Variants in ZMYM2 observed in about 807,000 individuals in gnomAD.
ZMYM2 encodes the protein zinc finger MYM-type protein 2.
ZMYM2 carries 56 observed loss-of-function variants against 162.8 expected under a neutral mutation model. The observed-to-expected ratio is 0.34, with a 90% CI of 0.28 to 0.43. The LOEUF is 0.43. Ranked by LOEUF, ZMYM2 falls within the 20% of genes least tolerant of loss-of-function variation. ZMYM2 has a pLI of 1.00. For synonymous variants in ZMYM2, 510 were observed against 541.6 expected (o/e 0.94, Z 0.81); for missense variants, 1,275 against 1,621.8 (o/e 0.79, Z 3.67).
chr13:19,971,401 G>T lies in ZMYM2; in HGVS notation c.-11+11375G>T, dbSNP rs1956326690. ...ATCTCCTATCTCAGCCTCCCAAGTAGCTGGGATTACAGACATGTGCCACCA... is the reference window on the plus strand; with the variant it reads ...ATCTCCTATCTCAGCCTCCCAAGTATCTGGGATTACAGACATGTGCCACCA... On this transcript the variant is annotated intron_variant, in intron 2 of 24. Coordinates refer to ENST00000610343, the MANE Select transcript of ZMYM2 (RefSeq NM_197968.4). Among the ~76,000 whole-genome samples, 5 of 150,236 alleles carry T rather than the reference G, an allele frequency of 3.3e-5. No homozygotes were observed. In the South Asian group the frequency reaches 1.1e-3, roughly 32 times the overall value.
chr13:19,987,904 C>A (rs1347864144), intron 2 of ZMYM2, among the ~76,000 whole-genome samples: 6 of 152,136 alleles, frequency 3.9e-5, no homozygotes, highest in Non-Finnish European at 7.3e-5. Flanking sequence ...GAGCCACTGC[C>A]CTCAGCCCAT....
chr13:20,054,432 C>T (rs1955624134), intron 14 of ZMYM2, among the ~76,000 whole-genome samples: 1 of 152,282 alleles, frequency 6.6e-6, no homozygotes, highest in Middle Eastern at 3.4e-3. Context: ...ACTTCTGAGC[C>T]TCAGTTTCCT....
the ZMYM2 span, among the ~76,000 whole-genome samples, chr13:19,875,913 T>C: frequency 6.6e-6 from 1 of 152,086 alleles, no homozygotes; most frequent in Non-Finnish European, 1.5e-5. Flanking sequence ...CAATAGAAGC[T>C]CAAAACTTCA....
At chr13:19,871,821 T>TA in the ZMYM2 span, among the ~76,000 whole-genome samples, 1 of 152,064 alleles carries the variant, frequency 6.6e-6, no homozygotes, top group African/African-American at 2.4e-5. Flanking sequence ...CAACAAATAT[T>TA]AAAGAATGGA....
At chr13:19,964,512 A>G (rs1322082409) in intron 2 of ZMYM2, among the ~76,000 whole-genome samples, 1 of 152,152 alleles carries the variant, frequency 6.6e-6, no homozygotes, top group East Asian at 1.9e-4. Flanking sequence ...CGATCTTCCC[A>G]CCTTGGCCTC....
intron 21 of ZMYM2, among the ~76,000 whole-genome samples, chr13:20,074,229 T>TGC: frequency 7.0e-6 from 1 of 143,020 alleles, no homozygotes; most frequent in African/African-American, 2.7e-5. Flanking sequence ...TGTGTGTGTG[T>TGC]GTGTGTGTGA....
the ZMYM2 span, among the ~76,000 whole-genome samples, chr13:19,887,466 T>C: frequency 6.6e-6 from 1 of 151,370 alleles, no homozygotes; most frequent in African/African-American, 2.4e-5. Flanking sequence ...GAGGCGGAGG[T>C]TGCAGTGAGC....
chr13:20,041,148 TTGA>T (rs964308664), intron 12 of ZMYM2, among the ~76,000 whole-genome samples: 2 of 152,184 alleles, frequency 1.3e-5, no homozygotes, highest in African/African-American at 4.8e-5. Context: ...ATTATCTGCT[TTGA>T]TGATCTGTCT....
At chr13:20,023,015 G>A (rs1227767915) in intron 7 of ZMYM2, among the ~76,000 whole-genome samples, 1 of 152,114 alleles carries the variant, frequency 6.6e-6, no homozygotes, top group East Asian at 1.9e-4. Context: ...ATAAAATCCA[G>A]TGGTTAATAA....
chr13:19,909,177 TTC>T, the ZMYM2 span, among the ~76,000 whole-genome samples: 2 of 152,180 alleles, frequency 1.3e-5, no homozygotes, highest in Non-Finnish European at 2.9e-5. Context: ...TGCTTAATGT[TTC>T]TGTCTGAAAA....
chr13:20,023,521 T>G (rs1952301907), intron 7 of ZMYM2, among the ~76,000 whole-genome samples: 1 of 152,178 alleles, frequency 6.6e-6, no homozygotes, highest in African/African-American at 2.4e-5. Context: ...TTTAAATGAG[T>G]AGACTGAAAA....
chr13:19,866,431 C>T, the ZMYM2 span, among the ~76,000 whole-genome samples: 2 of 151,930 alleles, frequency 1.3e-5, no homozygotes, highest in East Asian at 3.9e-4. Context: ...TTTGGAAGGC[C>T]GAGACGGGCA....
Position 20,036,832 on chromosome 13 carries a change from A to T in ZMYM2, c.2215A>T (p.Thr739Ser), listed in dbSNP as rs752946052. 3 of 1,610,548 alleles carry T rather than the reference A, an allele frequency of 1.9e-6. No homozygotes were observed. The Admixed American group carries it at 5.0e-5, about 27-fold the overall frequency. ...YCSQLCKKGA[T>S]KELDGVVRDF... ...TTCTCAGCTATGTAAGAAGGGAGCA[A>T]CTAAAGAACTCGATGGTGTTGTGAG... Residue 739 changes from threonine to serine, a missense_variant, in exon 12 of 25, where the codon ACT becomes TCT. Thr to Ser is a moderately conservative substitution (Grantham distance 58). Coordinates refer to ENST00000610343, the MANE Select transcript of ZMYM2 (RefSeq NM_197968.4).
At chr13:19,915,259 G>A in the ZMYM2 span, among the ~76,000 whole-genome samples, 9 of 151,114 alleles carry the variant, frequency 6.0e-5, no homozygotes, top group Non-Finnish European at 1.2e-4. Flanking sequence ...CCATGCCCAG[G>A]CTTTTAAAAA....
the ZMYM2 span, among the ~76,000 whole-genome samples, chr13:19,896,482 C>T: frequency 2.7e-5 from 4 of 149,306 alleles, no homozygotes; most frequent in Admixed American, 2.7e-4. Context: ...CTTGGCTGAG[C>T]GTGGTGGCTC....
At position 20,012,781 on chromosome 13, in the gene ZMYM2, A is replaced by G. The variant is rs190702300; in HGVS notation, c.1512+6195A>G. On this transcript the variant is annotated intron_variant, in intron 6 of 24. Transcript: ENST00000610343. Reference sequence around the variant, plus strand: ...GACTTATCACACTTGTCAAATATTAATTGGCCAGAGATCATTTCTATGTTC... The same window carrying G: ...GACTTATCACACTTGTCAAATATTAGTTGGCCAGAGATCATTTCTATGTTC... Among the ~76,000 whole-genome samples, 6 of 152,262 alleles carry G rather than the reference A, an allele frequency of 3.9e-5. No individual in the cohort carries two copies. In the East Asian group the frequency reaches 5.8e-4, roughly 15 times the overall value.
chr13:20,032,899 G>T (rs945947556), intron 10 of ZMYM2, among the ~76,000 whole-genome samples: 1 of 151,956 alleles, frequency 6.6e-6, no homozygotes, highest in African/African-American at 2.4e-5. Context: ...GTGAGCCACC[G>T]CACCCAGCCT....
upstream of ZMYM2, among the ~76,000 whole-genome samples, chr13:19,957,570 C>T (rs756136943): frequency 1.7e-4 from 26 of 152,202 alleles, no homozygotes; most frequent in Admixed American, 1.4e-3. Flanking sequence ...GGGCGCCTGT[C>T]GTCGTCTGTC....
chr13:19,876,797 A>G, the ZMYM2 span, among the ~76,000 whole-genome samples: 1 of 152,168 alleles, frequency 6.6e-6, no homozygotes, highest in Non-Finnish European at 1.5e-5. Context: ...CTATTAGACA[A>G]TAACTCCCCA....
Sources: gnomAD v4.1 joint callset for allele counts (sites outside exome capture counted in the v4.1 genomes callset) on GRCh38, gnomAD v4.1.1 for gene constraint, MANE v1.5 for transcripts, NCBI Gene and HGNC (gene_info 2026-07-23, HGNC 2026-07-21) for gene names.